BRIP1: variants seen among roughly 807,000 people sequenced by gnomAD.
BRIP1 encodes the protein BRCA1 interacting DNA helicase 1.
In BRIP1, 88 loss-of-function variants were observed where a neutral mutation model predicts 119.7. The ratio of observed to expected loss-of-function variants is 0.74; its 90% CI spans 0.62 to 0.88. The LOEUF (loss-of-function observed/expected upper bound fraction) is 0.88. Ranked by LOEUF, BRIP1 falls within the 40% of genes least tolerant of loss-of-function variation. The probability of loss-of-function intolerance (pLI) is 0.00; values close to 1 mark genes in which losing one functional copy is unlikely to be tolerated. For synonymous variants in BRIP1, 443 were observed against 496.5 expected (o/e 0.89, Z 1.43); for missense variants, 1,259 against 1,455.4 (o/e 0.87, Z 2.20).
chr17:61,685,684 C>A, intron 19 of BRIP1, 152 bp downstream of exon 19: 1 of 751,970 alleles, frequency 1.3e-6, no homozygotes, highest in Non-Finnish European at 2.1e-6. Flanking sequence ...GTTCCCATTA[C>A]AGTACACCAT....
chr17:61,685,951 TGATA>T lies in BRIP1; in HGVS notation c.2786_2789del (p.Leu929HisfsTer55), dbSNP rs1295703239. ...CTTCATCTTCCACAAAATTTTCTGGTGATAGATGACTTGCTGCTTCCAGTAAATA... is the reference window on the plus strand; with the variant it reads ...CTTCATCTTCCACAAAATTTTCTGGTGATGACTTGCTGCTTCCAGTAAATA... On this transcript the variant is annotated frameshift_variant, in exon 19 of 20. Transcript: ENST00000259008. LOFTEE classifies it high-confidence loss of function. The T allele has an allele frequency of 6.2e-7, 1 of 1,613,916 alleles. No homozygotes were observed. Among genetic ancestry groups the T allele is most frequent in the Non-Finnish European group, 8.5e-7 (1 of 1,179,928 alleles).
rs1191184049 is a variant in BRIP1 at position 61,825,729 on chromosome 17, C to T, written c.628-16972G>A. ...GATCTCTACAAAGGGAACTACAAAG[C>T]ACTGCTTGAAGAAATCAGAGATTTC... On this transcript the variant is annotated intron_variant, in intron 6 of 19. Transcript: ENST00000259008. The surrounding 1 kb of genome is among the most constrained non-coding windows in gnomAD (Gnocchi z 4.1). 6.6e-6 allele frequency among the ~76,000 whole-genome samples: 1 copy of T among 151,854 alleles called. No individual in the cohort carries two copies. The highest frequency in any genetic ancestry group is 2.4e-5 in the African/African-American group (1 of 41,368).
rs748105919 is a variant in BRIP1, at chr17:61,799,184, C to T, written c.1256G>A (p.Arg419Gln). 2.5e-6 allele frequency: 4 copies of T among 1,613,466 alleles called. No homozygotes were observed. The highest frequency in any genetic ancestry group is 2.7e-5 in the African/African-American group (2 of 74,872). Residue 419 changes from arginine (R) to glutamine (Q), a missense_variant, in exon 9 of 20, where the codon CGG becomes CAG. Arg to Gln is a conservative substitution (Grantham distance 43). Coordinates refer to ENST00000259008, the MANE Select transcript of BRIP1 (RefSeq NM_032043.3). The surrounding 1 kb of genome is among the most constrained non-coding windows in gnomAD (Gnocchi z 5.1). ...GTTGACCATACTATCTAGTTCATCC[C>T]GAGCAAACCGAAGCTGAACTTCTGT... ...SVTEVQLRFA[R>Q]DELDSMVNNN...
At chr17:61,741,646 T>C (rs761382777) in intron 16 of BRIP1, among the ~76,000 whole-genome samples, 2 of 152,224 alleles carry the variant, frequency 1.3e-5, no homozygotes, top group Non-Finnish European at 2.9e-5. Context: ...TGACCACATG[T>C]GTGGTTAATG....
chr17:61,801,177 A>G, intron 8 of BRIP1, 76 bp downstream of exon 8: 1 of 1,400,194 alleles, frequency 7.1e-7, no homozygotes. Context: ...AAATTAAAAC[A>G]TCTAAAAGCT....
chr17:61,731,981 CTTTTTTTTTTTTT>C (rs71299809), intron 16 of BRIP1, among the ~76,000 whole-genome samples: 1 of 83,026 alleles, frequency 1.2e-5, no homozygotes, highest in Middle Eastern at 0.01. Context: ...TTCTTTCTTT[CTTTTTTTTTTTTT>C]TTTTTTTTTG....
rs1269141552 is a variant in BRIP1 at position 61,778,977 on chromosome 17, C to T, written c.1935+1284G>A. Among the ~76,000 whole-genome samples, 1 of 152,118 alleles carries T rather than the reference C, an allele frequency of 6.6e-6. No homozygotes were observed. Among genetic ancestry groups the T allele is most frequent in the Non-Finnish European group, 1.5e-5 (1 of 68,026 alleles). ...TTAACTTAACCACTTTAGCATTAAC[C>T]ACAGCTTAACATCACCTGTGTGCCT... On this transcript the variant is annotated intron_variant, in intron 13 of 19. Coordinates refer to ENST00000259008, the MANE Select transcript of BRIP1 (RefSeq NM_032043.3). This position sits in a 1 kb window ranked among gnomAD's most constrained non-coding sequence, Gnocchi z 4.4.
rs973115195 is a variant in BRIP1 at position 61,827,948 on chromosome 17, A to G, written c.627+19153T>C. ...TGTGGAGAAACTGGAACCCCTGTGCATTGCTGATGGAACTGTAAAATGGTA... is the reference window on the plus strand; with the variant it reads ...TGTGGAGAAACTGGAACCCCTGTGCGTTGCTGATGGAACTGTAAAATGGTA... On this transcript the variant is annotated intron_variant, in intron 6 of 19. Transcript: ENST00000259008. This position sits in a 1 kb window ranked among gnomAD's most constrained non-coding sequence, Gnocchi z 5.8. 6.6e-6 allele frequency among the ~76,000 whole-genome samples: 1 copy of G among 152,218 alleles called. No homozygotes were observed. Among genetic ancestry groups the G allele is most frequent in the Non-Finnish European group, 1.5e-5 (1 of 68,034 alleles).
In BRIP1 at chr17:61,848,064, G is replaced by C. The variant is rs985925259; in HGVS notation, c.508-844C>G. Among the ~76,000 whole-genome samples, 29 of 152,168 alleles carry C rather than the reference G, an allele frequency of 1.9e-4. No individual in the cohort carries two copies. The highest frequency in any genetic ancestry group is 5.8e-4 in the African/African-American group (24 of 41,444). ...TTATAGAAATTTATAAAGACTGTAA[G>C]TGGAACAGTTAAACTACATAAGACT... On this transcript the variant is annotated intron_variant, in intron 5 of 19. Coordinates refer to ENST00000259008, the MANE Select transcript of BRIP1 (RefSeq NM_032043.3). The surrounding 1 kb of genome is among the most constrained non-coding windows in gnomAD (Gnocchi z 4.3).
chr17:61,684,720 T>C lies in BRIP1; in HGVS notation c.2906-580A>G, dbSNP rs2061335031. On this transcript the variant is annotated intron_variant, in intron 19 of 19. Transcript: ENST00000259008. The surrounding 1 kb of genome is among the most constrained non-coding windows in gnomAD (Gnocchi z 4.5). ...ACAAAATTGTATTACTATTTTGTAG[T>C]ACTTATATACTACAAAATACATGTT... 1 of 152,166 alleles carries C rather than the reference T, an allele frequency of 6.6e-6. No homozygotes were observed. Among genetic ancestry groups the C allele is most frequent in the Non-Finnish European group, 1.5e-5 (1 of 68,072 alleles). 9.4% of individuals were successfully genotyped at this position (152,166 alleles called of 1,614,324 possible).
At position 61,773,491 on chromosome 17, in the gene BRIP1, A is replaced by G. The variant is rs574105094; in HGVS notation, c.2097+2910T>C. Reference sequence around the variant, plus strand: ...AAACCTAGGCAATACCATTCAGAACATAGGCATGGGCAAGGACTTCATGAC... The same window carrying G: ...AAACCTAGGCAATACCATTCAGAACGTAGGCATGGGCAAGGACTTCATGAC... On this transcript the variant is annotated intron_variant, in intron 14 of 19. Transcript: ENST00000259008. Among the ~76,000 whole-genome samples, 6 of 152,318 alleles carry G rather than the reference A, an allele frequency of 3.9e-5. No individual in the cohort carries two copies. The East Asian group carries it at 9.6e-4, about 24-fold the overall frequency.
chr17:61,835,662 G>A (rs2078560683), intron 6 of BRIP1, among the ~76,000 whole-genome samples: 1 of 151,512 alleles, frequency 6.6e-6, no homozygotes, highest in South Asian at 2.1e-4. Flanking sequence ...GAAGCCAAGT[G>A]GAATTCTTTG....
chr17:61,790,856 G>T (rs2077805730), intron 10 of BRIP1, among the ~76,000 whole-genome samples: 1 of 151,768 alleles, frequency 6.6e-6, no homozygotes, highest in Non-Finnish European at 1.5e-5. Context: ...TGAACTCCTG[G>T]GCTCAAGCAA....
At chr17:61,788,993 G>A (rs1263734836) in intron 10 of BRIP1, among the ~76,000 whole-genome samples, 1 of 152,080 alleles carries the variant, frequency 6.6e-6, no homozygotes, top group East Asian at 1.9e-4. Flanking sequence ...ACTTGGGGGC[G>A]CTGAGGCACA....
chr17:61,758,654 T>C lies in BRIP1; in HGVS notation c.2098-14063A>G, dbSNP rs2077232088. 6.6e-6 allele frequency among the ~76,000 whole-genome samples: 1 copy of C among 151,662 alleles called. No homozygotes were observed. Among genetic ancestry groups the C allele is most frequent in the Non-Finnish European group, 1.5e-5 (1 of 67,866 alleles). On this transcript the variant is annotated intron_variant, in intron 14 of 19. Transcript: ENST00000259008. The surrounding 1 kb of genome is among the most constrained non-coding windows in gnomAD (Gnocchi z 5.3). ...TCACAAAGGAAGACAGCAAGAGAAA[T>C]AAAGAAACAAAGTACCTACACAACA...
chr17:61,732,512 G>A (rs1269504799), intron 16 of BRIP1, among the ~76,000 whole-genome samples: 1 of 151,996 alleles, frequency 6.6e-6, no homozygotes, highest in African/African-American at 2.4e-5. Context: ...TGAGCACCTG[G>A]TTTCTATTCC....
At chr17:61,833,891 A>G (rs546422404) in intron 6 of BRIP1, among the ~76,000 whole-genome samples, 1 of 152,304 alleles carries the variant, frequency 6.6e-6, no homozygotes, top group South Asian at 2.1e-4. Flanking sequence ...CTGGCTGAAC[A>G]TGAAAAGAAA....
chr17:61,799,128 G>A lies in BRIP1; in HGVS notation c.1312C>T (p.Leu438=), dbSNP rs756119073. ...ATGAGGCTACAGCACACAGCTCGTA[G>A]GGGTTCATGATCTTTCTTCCTTATA... ...NNIRKKDHEP[L]RAVCCSLINW... The change falls in exon 9 of 20, where the codon CTA becomes TTA. Residue 438 remains leucine, a synonymous_variant. Coordinates refer to ENST00000259008, the MANE Select transcript of BRIP1 (RefSeq NM_032043.3). This position sits in a 1 kb window ranked among gnomAD's most constrained non-coding sequence, Gnocchi z 5.1. 1 of 1,613,534 alleles carries A rather than the reference G, an allele frequency of 6.2e-7. No homozygotes were observed. The highest frequency in any genetic ancestry group is 2.2e-5 in the East Asian group (1 of 44,870).
chr17:61,776,320 G>T lies in BRIP1; in HGVS notation c.2097+81C>A, dbSNP rs2145022597. ...GCCTCTACCCTAGGAAGCTTACTGT[G>T]GTAATTTTAAAATTAGCATGCCAAT... On this transcript the variant is annotated intron_variant, in intron 14 of 19. Transcript: ENST00000259008. This position sits in a 1 kb window ranked among gnomAD's most constrained non-coding sequence, Gnocchi z 5.0. 1 of 1,510,010 alleles carries T rather than the reference G, an allele frequency of 6.6e-7. No homozygotes were observed. The highest frequency in any genetic ancestry group is 1.7e-5 in the Admixed American group (1 of 59,650). The allele number at this position is 1,510,010 out of a possible 1,614,324, so 93.5% of individuals were successfully genotyped here.
Sources: allele counts gnomAD v4.1 joint callset (sites outside exome capture counted in the v4.1 genomes callset), GRCh38; gene constraint gnomAD v4.1.1; non-coding constraint Gnocchi (gnomAD v3.1); transcripts MANE v1.5; gene names NCBI Gene and HGNC (gene_info 2026-07-23, HGNC 2026-07-21).